NXPE2: variants seen among roughly 807,000 people sequenced by gnomAD.
The protein encoded by NXPE2 is NXPE family member 2.
A neutral mutation model predicts 34.4 loss-of-function variants in NXPE2; 34 were observed. The observed-to-expected ratio is 0.99, with a 90% CI of 0.75 to 1.31. The LOEUF (loss-of-function observed/expected upper bound fraction) is 1.31. NXPE2 is among the 40% of genes most tolerant of loss of function. The pLI is 0.00. For missense variants in NXPE2, 649 were observed against 672.5 expected (o/e 0.97, Z 0.39); for synonymous variants, 235 against 231.3 (o/e 1.02, Z -0.15).
At chr11:114,507,637 A>G in the NXPE2 span, among the ~76,000 whole-genome samples, 2 of 152,182 alleles carry the variant, frequency 1.3e-5, no homozygotes, top group African/African-American at 2.4e-5. Context: ...AGAGATAAAG[A>G]CAAAAACCAC....
At chr11:114,580,194 A>G in the NXPE2 span, 149 of 1,613,992 alleles carry the variant, frequency 9.2e-5, no homozygotes, top group Non-Finnish European at 1.2e-4. Context: ...CATTAGGTAT[A>G]TGAGTTTTCC....
chr11:114,533,410 A>G, the NXPE2 span, among the ~76,000 whole-genome samples: 1 of 152,198 alleles, frequency 6.6e-6, no homozygotes, highest in African/African-American at 2.4e-5. Flanking sequence ...TACTTGGTTC[A>G]TCTCATGGGG....
At chr11:114,727,860 T>C in the NXPE2 span, among the ~76,000 whole-genome samples, 4 of 150,650 alleles carry the variant, frequency 2.7e-5, no homozygotes, top group Non-Finnish European at 4.4e-5. Context: ...ACAATTTTGG[T>C]CAATTATAGG....
the NXPE2 span, among the ~76,000 whole-genome samples, chr11:114,632,357 T>C: frequency 2.2e-5 from 3 of 134,328 alleles, no homozygotes; most frequent in Non-Finnish European, 4.6e-5. Flanking sequence ...AATATATAAA[T>C]ATTATATATT....
At chr11:114,714,021 G>A in the NXPE2 span, among the ~76,000 whole-genome samples, 1 of 152,208 alleles carries the variant, frequency 6.6e-6, no homozygotes, top group Admixed American at 6.5e-5. Flanking sequence ...CTACTATAAA[G>A]CAAAATGTGT....
At chr11:114,704,635 C>T (rs75057592) in intron 4 of NXPE2, among the ~76,000 whole-genome samples, 107 of 152,304 alleles carry the variant, frequency 7.0e-4, no homozygotes, top group African/African-American at 2.2e-3. Context: ...TAACAATCAA[C>T]GGGGTGTACC....
At chr11:114,636,307 A>G in the NXPE2 span, among the ~76,000 whole-genome samples, 2 of 151,788 alleles carry the variant, frequency 1.3e-5, no homozygotes, top group East Asian at 3.9e-4. Context: ...ATCGGTGGTG[A>G]TATCCCCTTT....
the NXPE2 span, among the ~76,000 whole-genome samples, chr11:114,545,784 G>A: frequency 6.6e-6 from 1 of 151,770 alleles, no homozygotes; most frequent in African/African-American, 2.4e-5. Flanking sequence ...CGCCTTCCAG[G>A]TTCAAGCGAT....
chr11:114,638,992 C>T, the NXPE2 span, among the ~76,000 whole-genome samples: 1 of 152,064 alleles, frequency 6.6e-6, no homozygotes, highest in African/African-American at 2.4e-5. Context: ...CTGCTCTCTT[C>T]AAAGCTGTCA....
the NXPE2 span, among the ~76,000 whole-genome samples, chr11:114,631,874 T>C: frequency 6.6e-6 from 1 of 151,194 alleles, no homozygotes; most frequent in Non-Finnish European, 1.5e-5. Flanking sequence ...GGGTAACCGC[T>C]GTTACCCAGT....
chr11:114,627,199 C>T, the NXPE2 span, among the ~76,000 whole-genome samples: 1 of 151,954 alleles, frequency 6.6e-6, no homozygotes, highest in Non-Finnish European at 1.5e-5. Flanking sequence ...AGAAGAGCAA[C>T]CCCAAGACAC....
At chr11:114,505,752 C>G in the NXPE2 span, among the ~76,000 whole-genome samples, 2 of 152,114 alleles carry the variant, frequency 1.3e-5, no homozygotes, top group African/African-American at 2.4e-5. Context: ...AAGACTGTTA[C>G]CAGCCACTAA....
chr11:114,651,953 T>A, the NXPE2 span, among the ~76,000 whole-genome samples: 1 of 152,210 alleles, frequency 6.6e-6, no homozygotes, highest in Non-Finnish European at 1.5e-5. Flanking sequence ...ATTAGGGTGC[T>A]GTTAGGTTCA....
At chr11:114,742,620 ATT>A in the NXPE2 span, among the ~76,000 whole-genome samples, 3 of 133,692 alleles carry the variant, frequency 2.2e-5, no homozygotes, top group Non-Finnish European at 1.6e-5. Context: ...TTATTCTTGG[ATT>A]TTTTTTTTTT....
the NXPE2 span, among the ~76,000 whole-genome samples, chr11:114,729,395 G>A: frequency 6.6e-6 from 1 of 152,104 alleles, no homozygotes; most frequent in East Asian, 1.9e-4. Context: ...CTCTTTGGTA[G>A]AATAATTCAT....
the NXPE2 span, among the ~76,000 whole-genome samples, chr11:114,609,488 C>A: frequency 6.6e-6 from 1 of 151,798 alleles, no homozygotes; most frequent in East Asian, 1.9e-4. Flanking sequence ...TCTAGGGTAA[C>A]CATTGTTACC....
the NXPE2 span, chr11:114,530,308 G>T: frequency 6.2e-7 from 1 of 1,614,206 alleles, no homozygotes; most frequent in African/African-American, 1.3e-5. Context: ...CTGTCATCCA[G>T]ATATTCACAG....
intron 1 of NXPE2, among the ~76,000 whole-genome samples, chr11:114,679,348 G>C (rs1161666610): frequency 6.6e-6 from 1 of 151,748 alleles, no homozygotes; most frequent in Non-Finnish European, 1.5e-5. Context: ...GTTTTTTCTG[G>C]TAAATAATCT....
the NXPE2 span, among the ~76,000 whole-genome samples, chr11:114,534,786 A>C: frequency 3.3e-5 from 5 of 152,340 alleles, no homozygotes; most frequent in East Asian, 1.9e-4. Flanking sequence ...CTATGTGAAA[A>C]GACCAAATCT....
Sources: gnomAD v4.1 joint callset for allele counts (sites outside exome capture counted in the v4.1 genomes callset) on GRCh38, gnomAD v4.1.1 for gene constraint, MANE v1.5 for transcripts, NCBI Gene and HGNC (gene_info 2026-07-23, HGNC 2026-07-21) for gene names.